Variants in TRPM8 observed in about 807,000 individuals in gnomAD.
The protein encoded by TRPM8 is transient receptor potential cation channel subfamily M member 8.
Under a neutral mutation model 133.7 loss-of-function variants are expected in TRPM8, and 110 were observed. The observed-to-expected ratio is 0.82, with a 90% CI of 0.70 to 0.96. The LOEUF (loss-of-function observed/expected upper bound fraction) is 0.96, where lower values mean the gene tolerates loss of function less well. Ranked by LOEUF, TRPM8 falls within the 40% of genes least tolerant of loss-of-function variation. TRPM8 has a pLI of 0.00. For missense variants in TRPM8, 1,291 were observed against 1,379.5 expected, an observed-to-expected ratio of 0.94 and a Z score of 1.02; for synonymous variants, 535 against 532.3, an observed-to-expected ratio of 1.01 and a Z score of -0.07.
chr2:233,984,863 C>T (rs1241034134), intron 20 of TRPM8, among the ~76,000 whole-genome samples: 2 of 152,158 alleles, frequency 1.3e-5, no homozygotes, highest in African/African-American at 2.4e-5. Flanking sequence ...GCAGACGGAT[C>T]ACCTAAGGAC....
Position 233,983,344 on chromosome 2 carries a change from A to G in TRPM8, c.2761+120A>G, listed in dbSNP as rs866477029. On this transcript the variant is annotated intron_variant, in intron 20 of 25. Transcript: ENST00000324695. ...GCACGCGCGTGAAACGGAGTCCAAC[A>G]TAACAGAGTAAAAACTCACTCCTCA... 20 of 1,135,438 alleles carry G rather than the reference A, an allele frequency of 1.8e-5. No individual in the cohort carries two copies. The African/African-American group carries it at 2.3e-4, about 13-fold the overall frequency. The allele number at this position is 1,135,438 out of a possible 1,614,324, so 70.3% of individuals were successfully genotyped here.
Position 234,018,060 on chromosome 2 carries a change from ATTGTCCCCATTACC to A in TRPM8, c.*807_*820del, listed in dbSNP as rs1692999968. The A allele has an allele frequency of 6.8e-6, 1 of 147,494 alleles. No individual in the cohort carries two copies. The highest frequency in any genetic ancestry group is 2.5e-5 in the African/African-American group (1 of 40,530). 9.1% of individuals were successfully genotyped at this position (147,494 alleles called of 1,614,324 possible). ...ATACAGAGATGTAGAAAGAACATAA[ATTGTCCCCATTACC>A]TTAAGGTAATCACTGCTAACAATTT... On this transcript the variant is annotated 3_prime_UTR_variant, in exon 26 of 26. Coordinates refer to ENST00000324695, the MANE Select transcript of TRPM8 (RefSeq NM_024080.5).
At chr2:234,015,991 A>G (rs1010836448) in intron 25 of TRPM8, among the ~76,000 whole-genome samples, 1 of 152,224 alleles carries the variant, frequency 6.6e-6, no homozygotes, top group Non-Finnish European at 1.5e-5. Context: ...AGAGAGTCAG[A>G]TTCAGACACG....
chr2:233,972,704 T>C (rs1691760526), intron 17 of TRPM8, among the ~76,000 whole-genome samples: 1 of 152,180 alleles, frequency 6.6e-6, no homozygotes, highest in Non-Finnish European at 1.5e-5. Context: ...CCGCAGCCAC[T>C]GGCCCGGGTG....
At position 234,007,432 on chromosome 2, in the gene TRPM8, TG is replaced by T. The variant is rs1692721985; in HGVS notation, c.3230+481del. On this transcript the variant is annotated intron_variant, in intron 23 of 25. Coordinates refer to ENST00000324695, the MANE Select transcript of TRPM8 (RefSeq NM_024080.5). ...CCATGAAAAATCCTGAATTCATTTA[TG>T]AATCGCATGAAGCTGTTATAAAATC... 3.3e-5 allele frequency among the ~76,000 whole-genome samples: 5 copies of T among 152,384 alleles called. No homozygotes were observed. The South Asian group carries it at 1.0e-3, about 32-fold the overall frequency.
rs757192839 is a variant in TRPM8 at position 233,964,732 on chromosome 2, T to A, written c.1854T>A (p.Ala618=). The A allele has an allele frequency of 1.4e-5, 22 of 1,613,048 alleles. No individual in the cohort carries two copies. The highest frequency in any genetic ancestry group is 1.9e-5 in the Non-Finnish European group (22 of 1,179,264). Residue 618 remains alanine, a synonymous_variant, in exon 14 of 26, where the codon GCT becomes GCA. Transcript: ENST00000324695. ...CTGCTGGGGAGTCCGAGGAGCTGGC[T>A]AATGAGTACGAGACCCGGGCTGTTG... is the stretch of plus-strand genomic sequence containing the variant. ...INAAGESEEL[A]NEYETRAVEL...
At chr2:233,974,810 G>T (rs1691825765) in intron 17 of TRPM8, among the ~76,000 whole-genome samples, 1 of 152,174 alleles carries the variant, frequency 6.6e-6, no homozygotes, top group African/African-American at 2.4e-5. Context: ...CCATTGAGTA[G>T]AATCAAGTGA....
Position 233,944,628 on chromosome 2 carries a change from T to A in TRPM8, c.700-1228T>A, listed in dbSNP as rs969695268. Reference sequence around the variant, plus strand: ...TGGATCTAGAATGATCTTTCAAAAATATAATCATAGATAACTTAGAAAGCA... The same window carrying A: ...TGGATCTAGAATGATCTTTCAAAAAAATAATCATAGATAACTTAGAAAGCA... On this transcript the variant is annotated intron_variant, in intron 6 of 25. Transcript: ENST00000324695. Among the ~76,000 whole-genome samples, 5 of 152,184 alleles carry A rather than the reference T, an allele frequency of 3.3e-5. 1 individual carries two copies. Among genetic ancestry groups the A allele is most frequent in the Middle Eastern group, 6.3e-3 (2 of 316 alleles).
intron 22 of TRPM8, among the ~76,000 whole-genome samples, chr2:233,998,247 A>G (rs1692457884): frequency 2.0e-5 from 3 of 152,150 alleles, no homozygotes; most frequent in Non-Finnish European, 2.9e-5. Context: ...TTTCTTTCAA[A>G]ACCAGAAGAA....
intron 9 of TRPM8, 39 bp downstream of exon 9, chr2:233,950,185 A>T (rs1480016378): frequency 6.3e-7 from 1 of 1,586,610 alleles, no homozygotes. Context: ...TGAGAAAATA[A>T]GACAAGTTGG....
In TRPM8 at chr2:233,985,863, T is replaced by G. The variant is rs987538194; in HGVS notation, c.2937T>G (p.Phe979Leu). The change falls in exon 21 of 26, where the codon TTT becomes TTG. Residue 979 changes from phenylalanine to leucine, a missense_variant and splice_region_variant. Around this residue, in one of 2 missense-constraint regions of TRPM8, gnomAD observed 328 missense variants for 410.6 expected, o/e 0.80. Coordinates refer to ENST00000324695, the MANE Select transcript of TRPM8 (RefSeq NM_024080.5). Reference protein sequence around the residue: ...ILLVNLLVAMFGYTVGTVQEN... With the variant: ...ILLVNLLVAMLGYTVGTVQEN... Reference sequence around the variant, plus strand: ...TGGTCAACCTGCTGGTCGCCATGTTTGGGTATGTGTTCAGTCACATGTTCA... The same window carrying G: ...TGGTCAACCTGCTGGTCGCCATGTTGGGGTATGTGTTCAGTCACATGTTCA... 1 of 1,611,260 alleles carries G rather than the reference T, an allele frequency of 6.2e-7. No individual in the cohort carries two copies. Among genetic ancestry groups the G allele is most frequent in the Admixed American group, 1.7e-5 (1 of 59,544 alleles).
At chr2:233,924,749 A>G (rs1691477531) in intron 1 of TRPM8, among the ~76,000 whole-genome samples, 1 of 152,216 alleles carries the variant, frequency 6.6e-6, no homozygotes, top group Non-Finnish European at 1.5e-5. Flanking sequence ...AGCGAAATAA[A>G]CAGTTTTTCA....
intron 13 of TRPM8, among the ~76,000 whole-genome samples, 191 bp downstream of exon 13, chr2:233,963,568 C>T (rs921555383): frequency 4.6e-5 from 7 of 152,180 alleles, no homozygotes; most frequent in African/African-American, 1.7e-4. Flanking sequence ...GGAAAGTAGT[C>T]AGGCTTGGGG....
chr2:234,014,570 T>C lies in TRPM8; in HGVS notation c.3273T>C (p.Asp1091=). The part of the protein sequence containing the change: ...RFRQLDTKLN[D]LKGLLKEIAN... Reference sequence around the variant, plus strand: ...TTTTTTCTCTTTCCAAGCTTAATGATCTCAAGGGTCTTCTGAAAGAGATTG... The same window carrying C: ...TTTTTTCTCTTTCCAAGCTTAATGACCTCAAGGGTCTTCTGAAAGAGATTG... The change falls in exon 25 of 26, where the codon GAT becomes GAC. Residue 1091 remains aspartate (D), a synonymous_variant. Transcript: ENST00000324695. 1.3e-6 allele frequency: 2 copies of C among 1,550,688 alleles called. No individual in the cohort carries two copies. The highest frequency in any genetic ancestry group is 1.7e-6 in the Non-Finnish European group (2 of 1,152,378).
At position 233,942,225 on chromosome 2, in the gene TRPM8, G is replaced by A. The variant is rs529410573; in HGVS notation, c.527-351G>A. 1.9e-3 allele frequency among the ~76,000 whole-genome samples: 286 copies of A among 151,832 alleles called. 2 individuals carry two copies. Among genetic ancestry groups the A allele is most frequent in the African/African-American group, 6.7e-3 (278 of 41,382 alleles). On this transcript the variant is annotated intron_variant, in intron 5 of 25. Transcript: ENST00000324695. ...CTCCCAAGTAGCTGGGATTACAGGC[G>A]GCCATCACCACGCCTGGCTAATTTT...
intron 20 of TRPM8, among the ~76,000 whole-genome samples, chr2:233,984,858 C>T (rs569079758): frequency 1.7e-4 from 26 of 152,188 alleles, no homozygotes; most frequent in East Asian, 1.5e-3. Context: ...CCGAGGCAGA[C>T]GGATCACCTA....
chr2:233,924,368 C>G (rs953471678), intron 1 of TRPM8, among the ~76,000 whole-genome samples: 6 of 152,214 alleles, frequency 3.9e-5, no homozygotes, highest in Non-Finnish European at 5.9e-5. Flanking sequence ...ATCTCCTTTT[C>G]CACAGACCCC....
chr2:233,930,799 C>T, intron 3 of TRPM8, 58 bp downstream of exon 3: 2 of 1,185,684 alleles, frequency 1.7e-6, no homozygotes, highest in East Asian at 2.4e-5. Context: ...TTATCAGCCA[C>T]CCTTACAACA....
In TRPM8 at chr2:233,937,459, A is replaced by G; in HGVS notation, c.298A>G (p.Thr100Ala). Reference protein sequence around the residue: ...NYKKHTKEFPTDAFGDIQFET... With the variant: ...NYKKHTKEFPADAFGDIQFET... ...CAAGAAACACACCAAGGAATTTCCT[A>G]CCGACGCCTTTGGGGATATTCAGTT... Residue 100 changes from threonine (T) to alanine (A), a missense_variant, in exon 4 of 26, where the codon ACC becomes GCC. Thr to Ala is a moderately conservative substitution (Grantham distance 58). This residue lies in a region of TRPM8 where 963 missense variants were observed against 968.9 expected (regional missense o/e 0.99). Transcript: ENST00000324695. 6.2e-7 allele frequency: 1 copy of G among 1,614,212 alleles called. No homozygotes were observed. The highest frequency in any genetic ancestry group is 8.5e-7 in the Non-Finnish European group (1 of 1,180,032).
Sources: gnomAD v4.1 joint callset for allele counts (sites outside exome capture counted in the v4.1 genomes callset) on GRCh38, gnomAD v4.1.1 for gene constraint, gnomAD v4.1.1 regional missense constraint, MANE v1.5 for transcripts, NCBI Gene and HGNC (gene_info 2026-07-23, HGNC 2026-07-21) for gene names.